BBX: variants seen among roughly 807,000 people sequenced by gnomAD.
BBX encodes the protein HMG box transcription factor BBX.
Under a neutral mutation model 100.2 loss-of-function variants are expected in BBX, and 30 were observed. The ratio of observed to expected loss-of-function variants is 0.30; its 90% CI spans 0.22 to 0.41. BBX has a LOEUF of 0.41. BBX is among the 10% of genes least tolerant of loss of function. The pLI, the probability that BBX is intolerant of heterozygous loss-of-function variation, is 1.00. For synonymous variants in BBX, 376 were observed against 388.1 expected (o/e 0.97, Z 0.37); for missense variants, 1,023 against 1,129.8 (o/e 0.91, Z 1.35).
At chr3:107,676,169 C>T (rs1240942928) in intron 3 of BBX, among the ~76,000 whole-genome samples, 1 of 151,904 alleles carries the variant, frequency 6.6e-6, no homozygotes, top group Non-Finnish European at 1.5e-5. Flanking sequence ...GAAAACAAAA[C>T]AATGAGTCTA....
At chr3:107,794,378 G>C (rs1164325729) in intron 15 of BBX, among the ~76,000 whole-genome samples, 1 of 151,470 alleles carries the variant, frequency 6.6e-6, no homozygotes, top group Admixed American at 6.6e-5. Flanking sequence ...TTTCATATTT[G>C]TAGACTTTTA....
At chr3:107,787,799 G>A (rs549987871) in intron 13 of BBX, among the ~76,000 whole-genome samples, 92 of 152,256 alleles carry the variant, frequency 6.0e-4, no homozygotes, top group African/African-American at 1.9e-3. Context: ...TTAGCCGTGC[G>A]GACATCTTGG....
intron 10 of BBX, among the ~76,000 whole-genome samples, chr3:107,763,092 T>G (rs1182767179): frequency 6.6e-6 from 1 of 152,168 alleles, no homozygotes; most frequent in Non-Finnish European, 1.5e-5. Flanking sequence ...GATATGTCAT[T>G]ATGTATGTGC....
chr3:107,784,643 G>A (rs1348185719), intron 13 of BBX, among the ~76,000 whole-genome samples: 1 of 151,834 alleles, frequency 6.6e-6, no homozygotes, highest in Non-Finnish European at 1.5e-5. Context: ...TTTAAGAGAT[G>A]CATCTAAAGC....
intron 2 of BBX, among the ~76,000 whole-genome samples, chr3:107,573,653 T>C (rs1245015252): frequency 6.6e-6 from 1 of 152,276 alleles, no homozygotes; most frequent in East Asian, 1.9e-4. Context: ...AGTTACAGTT[T>C]TGTTAAATAT....
chr3:107,545,056 G>T (rs1327625688), intron 2 of BBX, among the ~76,000 whole-genome samples: 2 of 151,894 alleles, frequency 1.3e-5, no homozygotes, highest in African/African-American at 2.4e-5. Flanking sequence ...GAAATTAAGA[G>T]AATACATTAT....
intron 2 of BBX, among the ~76,000 whole-genome samples, chr3:107,575,560 G>A (rs1576360898): frequency 1.3e-5 from 2 of 152,138 alleles, no homozygotes; most frequent in South Asian, 4.1e-4. Context: ...GAAGTAAAGT[G>A]CAGGGTAATG....
At chr3:107,544,045 A>G (rs556880566) in intron 2 of BBX, among the ~76,000 whole-genome samples, 47 of 152,332 alleles carry the variant, frequency 3.1e-4, no homozygotes, top group African/African-American at 1.1e-3. Flanking sequence ...TAAGGTTAGT[A>G]TATTTGTAAG....
chr3:107,658,361 A>T (rs2058259902), intron 3 of BBX, among the ~76,000 whole-genome samples: 1 of 152,196 alleles, frequency 6.6e-6, no homozygotes, highest in Non-Finnish European at 1.5e-5. Flanking sequence ...GATTTTCTTT[A>T]AAATGCCATC....
At chr3:107,603,091 G>A (rs1262144874) in intron 2 of BBX, among the ~76,000 whole-genome samples, 3 of 152,098 alleles carry the variant, frequency 2.0e-5, no homozygotes, top group African/African-American at 4.8e-5. Flanking sequence ...AGCCTCCCAA[G>A]TAGCTGGGAC....
chr3:107,761,707 G>A (rs1000914460), intron 10 of BBX, among the ~76,000 whole-genome samples: 2 of 152,118 alleles, frequency 1.3e-5, no homozygotes, highest in Non-Finnish European at 2.9e-5. Flanking sequence ...GAGGGTGGGG[G>A]AAAGAGAAAT....
intron 2 of BBX, among the ~76,000 whole-genome samples, chr3:107,550,845 T>A (rs1043991543): frequency 1.3e-5 from 2 of 152,166 alleles, no homozygotes; most frequent in Non-Finnish European, 2.9e-5. Flanking sequence ...CCATAGGGAC[T>A]ATAGAGACCT....
intron 3 of BBX, among the ~76,000 whole-genome samples, chr3:107,661,569 C>T (rs1294336936): frequency 2.6e-5 from 4 of 152,110 alleles, no homozygotes; most frequent in East Asian, 3.9e-4. Flanking sequence ...AAATGGTTGA[C>T]GGTATCACAG....
chr3:107,739,296 C>A (rs960374882), intron 7 of BBX, among the ~76,000 whole-genome samples: 1 of 152,186 alleles, frequency 6.6e-6, no homozygotes, highest in Non-Finnish European at 1.5e-5. Flanking sequence ...CAGTTCCTAC[C>A]TGAACCTCAT....
chr3:107,739,250 A>G (rs2063889525), intron 7 of BBX, among the ~76,000 whole-genome samples: 1 of 152,214 alleles, frequency 6.6e-6, no homozygotes, highest in Non-Finnish European at 1.5e-5. Context: ...ACTATTCCAG[A>G]ATACTTTAAT....
At chr3:107,797,182 T>G (rs2069766812) in intron 15 of BBX, among the ~76,000 whole-genome samples, 2 of 151,616 alleles carry the variant, frequency 1.3e-5, no homozygotes, top group Non-Finnish European at 2.9e-5. Context: ...ATTCATAGCC[T>G]TCTTTCTTGA....
At chr3:107,629,551 C>A (rs998792237) in intron 2 of BBX, among the ~76,000 whole-genome samples, 1 of 152,138 alleles carries the variant, frequency 6.6e-6, no homozygotes, top group African/African-American at 2.4e-5. Flanking sequence ...AAGATGATAA[C>A]CAATGTCATT....
At chr3:107,640,359 C>G (rs2057114867) in intron 2 of BBX, among the ~76,000 whole-genome samples, 1 of 152,182 alleles carries the variant, frequency 6.6e-6, no homozygotes, top group South Asian at 2.1e-4. Flanking sequence ...TGCCTCCTAT[C>G]CCTTCCAGCA....
intron 2 of BBX, among the ~76,000 whole-genome samples, chr3:107,579,611 C>T (rs1278894058): frequency 1.3e-5 from 2 of 152,240 alleles, no homozygotes; most frequent in Non-Finnish European, 2.9e-5. Context: ...GGATGCTTTG[C>T]AGTCCCTCCC....
Sources: gnomAD v4.1 joint callset for allele counts (sites outside exome capture counted in the v4.1 genomes callset) on GRCh38, gnomAD v4.1.1 for gene constraint, MANE v1.5 for transcripts, NCBI Gene and HGNC (gene_info 2026-07-23, HGNC 2026-07-21) for gene names.